PITPNM2: variants seen among roughly 807,000 people sequenced by gnomAD.
PITPNM2 encodes the protein membrane-associated phosphatidylinositol transfer protein 2.
PITPNM2 carries 35 observed loss-of-function variants against 132.2 expected under a neutral mutation model. The ratio of observed to expected loss-of-function variants is 0.26; its 90% CI spans 0.20 to 0.35. The LOEUF (loss-of-function observed/expected upper bound fraction) is 0.35. Ranked by LOEUF, PITPNM2 falls within the 10% of genes least tolerant of loss-of-function variation. The pLI is 1.00. For missense variants in PITPNM2, 1,332 were observed against 1,912.0 expected, an observed-to-expected ratio of 0.70 and a Z score of 5.66; for synonymous variants, 738 against 799.2, an observed-to-expected ratio of 0.92 and a Z score of 1.29.
In PITPNM2 at chr12:123,005,229, C is replaced by T. The variant is rs779944792; in HGVS notation, c.952+11G>A. On this transcript the variant is annotated intron_variant, in intron 7 of 25. Transcript: ENST00000320201. The surrounding 1 kb of genome is among the most constrained non-coding windows in gnomAD (Gnocchi z 6.2). ...CCTTGAGTGTGGGTGGCAGGTGGCGCAGGGCCTTACCTCCCCGCTTGGACG... is the reference window on the plus strand; with the variant it reads ...CCTTGAGTGTGGGTGGCAGGTGGCGTAGGGCCTTACCTCCCCGCTTGGACG... 7 of 1,605,938 alleles carry T rather than the reference C, an allele frequency of 4.4e-6. No individual in the cohort carries two copies. In the South Asian group the frequency reaches 7.7e-5, roughly 18 times the overall value.
At chr12:122,991,712 A>G (rs2038192421) in intron 16 of PITPNM2, 2 of 1,292,936 alleles carry the variant, frequency 1.5e-6, no homozygotes, top group Middle Eastern at 2.5e-4. Context: ...GACCAGGTCA[A>G]CCAACGAAGC....
chr12:123,068,501 A>AT (rs2041518087), intron 2 of PITPNM2, among the ~76,000 whole-genome samples: 2 of 136,628 alleles, frequency 1.5e-5, no homozygotes, highest in Non-Finnish European at 3.0e-5. Flanking sequence ...AAATAAATAA[A>AT]AATAATCCTT....
At chr12:123,146,952 C>T (rs1232130342) in intron 1 of PITPNM2, among the ~76,000 whole-genome samples, 1 of 152,170 alleles carries the variant, frequency 6.6e-6, no homozygotes, top group Non-Finnish European at 1.5e-5. Flanking sequence ...CTTCTGGGAC[C>T]CTCCATCAAA....
chr12:123,115,370 G>A (rs906040628), intron 1 of PITPNM2, among the ~76,000 whole-genome samples: 1 of 152,170 alleles, frequency 6.6e-6, no homozygotes, highest in Non-Finnish European at 1.5e-5. Flanking sequence ...AGCATTTGCA[G>A]GGCCATTAAA....
chr12:123,115,134 A>C (rs1593024086), intron 1 of PITPNM2, among the ~76,000 whole-genome samples: 1 of 150,758 alleles, frequency 6.6e-6, no homozygotes, highest in Non-Finnish European at 1.5e-5. Context: ...ACCATTACCC[A>C]CCCTCCCACA....
upstream of PITPNM2, among the ~76,000 whole-genome samples, chr12:123,151,683 G>T (rs1345444066): frequency 6.6e-6 from 1 of 152,164 alleles, no homozygotes; most frequent in Non-Finnish European, 1.5e-5. Context: ...TAATCCGGAT[G>T]ATCTGGCACG....
intron 1 of PITPNM2, among the ~76,000 whole-genome samples, chr12:123,118,325 T>G (rs775248834): frequency 6.6e-6 from 1 of 152,228 alleles, no homozygotes; most frequent in African/African-American, 2.4e-5. Context: ...GCTCAAGCTC[T>G]ATCCATACTG....
At chr12:123,127,849 T>C (rs1422497513) in intron 1 of PITPNM2, among the ~76,000 whole-genome samples, 1 of 152,068 alleles carries the variant, frequency 6.6e-6, no homozygotes, top group Non-Finnish European at 1.5e-5. Context: ...GACCTCGTGA[T>C]CCGCCCGCCT....
At chr12:123,141,735 G>A (rs1049485757) in intron 1 of PITPNM2, among the ~76,000 whole-genome samples, 3 of 152,112 alleles carry the variant, frequency 2.0e-5, no homozygotes, top group African/African-American at 2.4e-5. Flanking sequence ...TGAGCTGCAC[G>A]TCCCAGATTT....
In PITPNM2 at chr12:123,095,629, C is replaced by T. The variant is rs896270358; in HGVS notation, c.-96+14756G>A. On this transcript the variant is annotated intron_variant, in intron 2 of 25. Coordinates refer to ENST00000320201, the MANE Select transcript of PITPNM2 (RefSeq NM_020845.3). The surrounding 1 kb of genome is among the most constrained non-coding windows in gnomAD (Gnocchi z 5.0). ...TCAACGCTCCCCTTGGGTTTCAAGG[C>T]GACATCTAAGCTCCTTAACTAGGGC... Among the ~76,000 whole-genome samples, 5 of 152,254 alleles carry T rather than the reference C, an allele frequency of 3.3e-5. No homozygotes were observed. The highest frequency in any genetic ancestry group is 9.6e-5 in the African/African-American group (4 of 41,562).
At chr12:123,016,586 A>G (rs2039433470) in intron 3 of PITPNM2, among the ~76,000 whole-genome samples, 1 of 60,798 alleles carries the variant, frequency 1.6e-5, no homozygotes, top group South Asian at 4.9e-4. Flanking sequence ...CTCCGTCTCA[A>G]AAACAAACAA....
intron 2 of PITPNM2, among the ~76,000 whole-genome samples, chr12:123,068,750 CAG>C (rs907404434): frequency 6.6e-6 from 1 of 152,204 alleles, no homozygotes; most frequent in Non-Finnish European, 1.5e-5. Context: ...TGAGATTCTG[CAG>C]AGTTTGGAAT....
upstream of PITPNM2, among the ~76,000 whole-genome samples, chr12:123,151,474 G>C (rs1239938534): frequency 6.6e-6 from 1 of 152,170 alleles, no homozygotes; most frequent in Non-Finnish European, 1.5e-5. Context: ...TTTCTTAGGA[G>C]CGAAATGGTA....
intron 25 of PITPNM2, 37 bp from the exon 26 acceptor site, chr12:122,986,387 G>A: frequency 1.3e-6 from 2 of 1,566,948 alleles, no homozygotes; most frequent in Non-Finnish European, 8.6e-7. Context: ...ACAGGCTGGG[G>A]CTCCCCGAGC....
intron 3 of PITPNM2, 32 bp from the exon 4 acceptor site, chr12:123,014,074 G>A (rs749324010): frequency 6.2e-7 from 1 of 1,611,648 alleles, no homozygotes; most frequent in Non-Finnish European, 8.5e-7. Context: ...CAATGTGTGT[G>A]GGGCCAGAGC....
rs1295371137 is a variant in PITPNM2, at chr12:123,023,292, G to A, written c.79-9250C>T. Among the ~76,000 whole-genome samples the A allele has an allele frequency of 2.0e-5, 3 of 152,232 alleles. No individual in the cohort carries two copies. The highest frequency in any genetic ancestry group is 6.5e-5 in the Admixed American group (1 of 15,288). Reference sequence around the variant, plus strand: ...AATGTCAGTGCGCAGGCGTGCATGCGTGCACACACATGTGGCGTGTGTGTG... The same window carrying A: ...AATGTCAGTGCGCAGGCGTGCATGCATGCACACACATGTGGCGTGTGTGTG... On this transcript the variant is annotated intron_variant, in intron 3 of 25. Coordinates refer to ENST00000320201, the MANE Select transcript of PITPNM2 (RefSeq NM_020845.3). The surrounding 1 kb of genome is among the most constrained non-coding windows in gnomAD (Gnocchi z 4.8).
intron 2 of PITPNM2, among the ~76,000 whole-genome samples, chr12:123,085,418 A>G (rs539759671): frequency 6.6e-6 from 1 of 152,324 alleles, no homozygotes; most frequent in South Asian, 2.1e-4. Flanking sequence ...CAGACACAAA[A>G]GGCCACATAT....
At chr12:123,006,312 GAATAT>G (rs1213421803) in intron 6 of PITPNM2, among the ~76,000 whole-genome samples, 1 of 151,854 alleles carries the variant, frequency 6.6e-6, no homozygotes, top group East Asian at 1.9e-4. Context: ...GCTTTTAGTA[GAATAT>G]ATTATGCACG....
At chr12:123,107,969 C>T (rs1027952444) in intron 2 of PITPNM2, among the ~76,000 whole-genome samples, 1 of 152,158 alleles carries the variant, frequency 6.6e-6, no homozygotes, top group Non-Finnish European at 1.5e-5. Flanking sequence ...GAGGCTAATG[C>T]GGACCCAGGC....
Sources: allele counts gnomAD v4.1 joint callset (sites outside exome capture counted in the v4.1 genomes callset), GRCh38; gene constraint gnomAD v4.1.1; non-coding constraint Gnocchi (gnomAD v3.1); transcripts MANE v1.5; gene names NCBI Gene and HGNC (gene_info 2026-07-23, HGNC 2026-07-21).